PLEKHH2: variants seen among roughly 807,000 people sequenced by gnomAD.
PLEKHH2 encodes pleckstrin homology domain-containing family H member 2.
In PLEKHH2, 129 loss-of-function variants were observed where a neutral mutation model predicts 187.9. That is an observed-to-expected ratio of 0.69 (90% CI 0.59 to 0.79). The LOEUF (loss-of-function observed/expected upper bound fraction) is 0.79, where lower values mean the gene tolerates loss of function less well. PLEKHH2 is among the 30% of genes least tolerant of loss of function. The pLI is 0.00. For missense variants in PLEKHH2, 2,076 were observed against 1,751.2 expected (o/e 1.19, Z -3.31); for synonymous variants, 686 against 605.6 (o/e 1.13, Z -1.95).
chr2:43,710,226 C>G lies in PLEKHH2; in HGVS notation c.2110C>G (p.Leu704Val). The change falls in exon 13 of 30, where the codon CTG becomes GTG. Residue 704 changes from leucine (L) to valine (V), a missense_variant. Physicochemically the swap from Leu to Val is conservative, Grantham distance 32. Coordinates refer to ENST00000282406, the MANE Select transcript of PLEKHH2 (RefSeq NM_172069.4). ...SSSDNGKNEP[L>V]EKSGYLLKMS... ...TCTATCTTTTAAAAATTAGGAACCA[C>G]TGGAAAAATCTGGTTATTTATTAAA... is the stretch of plus-strand genomic sequence containing the variant. 17 of 1,613,734 alleles carry G rather than the reference C, an allele frequency of 1.1e-5. No individual in the cohort carries two copies. Among genetic ancestry groups the G allele is most frequent in the East Asian group, 4.5e-5 (2 of 44,870 alleles).
chr2:43,680,109 AT>A (rs1465932244), intron 3 of PLEKHH2, among the ~76,000 whole-genome samples: 1 of 152,204 alleles, frequency 6.6e-6, no homozygotes, highest in African/African-American at 2.4e-5. Flanking sequence ...ATAGCTTCTC[AT>A]TTCATGAAAA....
At chr2:43,713,609 A>T (rs566837442) in intron 15 of PLEKHH2, among the ~76,000 whole-genome samples, 5 of 151,678 alleles carry the variant, frequency 3.3e-5, no homozygotes, top group East Asian at 3.9e-4. Flanking sequence ...TGGGAAATAT[A>T]CCAAAGTATA....
chr2:43,654,879 T>C (rs1226987875), intron 2 of PLEKHH2, among the ~76,000 whole-genome samples: 3 of 151,742 alleles, frequency 2.0e-5, no homozygotes, highest in African/African-American at 4.8e-5. Flanking sequence ...ATACAAAAAT[T>C]AGTTGGGCAC....
Position 43,671,443 on chromosome 2 carries a change from C to T in PLEKHH2, c.124-7420C>T, listed in dbSNP as rs375173024. Reference sequence around the variant, plus strand: ...GTGAATAAATATTGCTTTATTTCTTCCTTTCCAGTATATATGCTTTTTATT... The same window carrying T: ...GTGAATAAATATTGCTTTATTTCTTTCTTTCCAGTATATATGCTTTTTATT... On this transcript the variant is annotated intron_variant, in intron 2 of 29. Coordinates refer to ENST00000282406, the MANE Select transcript of PLEKHH2 (RefSeq NM_172069.4). 2.0e-4 allele frequency among the ~76,000 whole-genome samples: 30 copies of T among 152,104 alleles called. No individual in the cohort carries two copies. The South Asian group carries it at 5.8e-3, about 29-fold the overall frequency.
At chr2:43,691,429 T>TC (rs1352862471) in intron 3 of PLEKHH2, among the ~76,000 whole-genome samples, 1 of 152,112 alleles carries the variant, frequency 6.6e-6, no homozygotes, top group Non-Finnish European at 1.5e-5. Context: ...AAGACATCAC[T>TC]CAAAAGTGGG....
chr2:43,643,637 A>G lies in PLEKHH2; in HGVS notation c.-3-1034A>G, dbSNP rs187268542. On this transcript the variant is annotated intron_variant, in intron 1 of 29. Transcript: ENST00000282406. ...AATAGTATACTTCAACTGCAGTTCC[A>G]TTCCAGGGCTCTGAGAGTTTTGCTG... Among the ~76,000 whole-genome samples the G allele has an allele frequency of 1.2e-3, 186 of 152,232 alleles. 2 individuals are homozygous for G. The highest frequency in any genetic ancestry group is 4.2e-3 in the African/African-American group (175 of 41,582).
rs1312886028 is a variant in PLEKHH2, at chr2:43,767,827, A to G, written c.*2229A>G. On this transcript the variant is annotated 3_prime_UTR_variant, in exon 30 of 30. Transcript: ENST00000282406. ...GGAAATCAATTTTCTGTAACTGATG[A>G]TGTGAAAATTTTATTTTCTGGGAAA... 1 of 152,792 alleles carries G rather than the reference A, an allele frequency of 6.5e-6. No individual in the cohort carries two copies. Among genetic ancestry groups the G allele is most frequent in the African/African-American group, 2.4e-5 (1 of 41,458 alleles). 9.5% of individuals were successfully genotyped at this position (152,792 alleles called of 1,614,324 possible).
At chr2:43,683,740 T>G (rs1352734722) in intron 3 of PLEKHH2, among the ~76,000 whole-genome samples, 4 of 152,130 alleles carry the variant, frequency 2.6e-5, no homozygotes. Context: ...GTGATATTGT[T>G]GACCTCCACC....
At position 43,714,122 on chromosome 2, in the gene PLEKHH2, G is replaced by T. The variant is rs534131817; in HGVS notation, c.2460+1739G>T. Among the ~76,000 whole-genome samples the T allele has an allele frequency of 1.7e-3, 254 of 152,268 alleles. 2 individuals carry two copies. In the South Asian group the frequency reaches 0.017, roughly 10 times the overall value. Reference sequence around the variant, plus strand: ...ATTCATAATAATGAGCTATGCTCTTGTTTCAAGGACCTCATATGCATATCA... The same window carrying T: ...ATTCATAATAATGAGCTATGCTCTTTTTTCAAGGACCTCATATGCATATCA... On this transcript the variant is annotated intron_variant, in intron 15 of 29. Transcript: ENST00000282406.
At chr2:43,758,377 C>T (rs997491752) in intron 26 of PLEKHH2, among the ~76,000 whole-genome samples, 5 of 152,092 alleles carry the variant, frequency 3.3e-5, no homozygotes, top group African/African-American at 7.2e-5. Context: ...CTCAGCCTCC[C>T]GAGTAGCTGG....
At chr2:43,758,039 A>T (rs891611995) in intron 26 of PLEKHH2, among the ~76,000 whole-genome samples, 20 of 152,210 alleles carry the variant, frequency 1.3e-4, no homozygotes, top group Admixed American at 4.6e-4. Context: ...ATATAAAGAG[A>T]AGCTGATTAG....
intron 24 of PLEKHH2, among the ~76,000 whole-genome samples, 193 bp downstream of exon 24, chr2:43,746,156 A>G (rs1255706941): frequency 6.6e-6 from 1 of 152,210 alleles, no homozygotes; most frequent in African/African-American, 2.4e-5. Flanking sequence ...CTAGTCTCTT[A>G]ATGTCATAAA....
chr2:43,757,212 G>A lies in PLEKHH2; in HGVS notation c.3889G>A (p.Glu1297Lys). 1 of 1,603,126 alleles carries A rather than the reference G, an allele frequency of 6.2e-7. No individual in the cohort carries two copies. The highest frequency in any genetic ancestry group is 8.5e-7 in the Non-Finnish European group (1 of 1,175,724). ...GAATCAAACTCTAAAGCAAGTCATA[G>A]AGAAATTTTATCCTAAAAGGTATAG... is the stretch of plus-strand genomic sequence containing the variant. ...KVNQTLKQVI[E>K]KFYPKRYRDG... The change falls in exon 26 of 30, where the codon GAG (glutamate) becomes AAG (lysine). Residue 1297 changes from glutamate (E) to lysine (K), a missense_variant. Glu to Lys is a moderately conservative substitution (Grantham distance 56). Coordinates refer to ENST00000282406, the MANE Select transcript of PLEKHH2 (RefSeq NM_172069.4).
At chr2:43,645,847 T>C (rs184814899) in intron 2 of PLEKHH2, among the ~76,000 whole-genome samples, 2 of 152,282 alleles carry the variant, frequency 1.3e-5, no homozygotes, top group East Asian at 3.9e-4. Flanking sequence ...CAGAAGAACT[T>C]ACAGGTGGTT....
At chr2:43,761,568 G>A (rs1672430873) in intron 27 of PLEKHH2, among the ~76,000 whole-genome samples, 1 of 151,730 alleles carries the variant, frequency 6.6e-6, no homozygotes. Context: ...GCACCACCAT[G>A]CCCAGCTGAT....
At chr2:43,749,004 G>A (rs1201253154) in intron 24 of PLEKHH2, among the ~76,000 whole-genome samples, 1 of 152,108 alleles carries the variant, frequency 6.6e-6, no homozygotes, top group Admixed American at 6.6e-5. Flanking sequence ...TGATCTGCCC[G>A]CCTCGGCCTC....
At chr2:43,731,169 T>C (rs1671019368) in intron 18 of PLEKHH2, among the ~76,000 whole-genome samples, 1 of 152,118 alleles carries the variant, frequency 6.6e-6, no homozygotes, top group African/African-American at 2.4e-5. Flanking sequence ...AGTTTCAGTA[T>C]ATACTGCTTG....
intron 15 of PLEKHH2, among the ~76,000 whole-genome samples, chr2:43,719,946 C>T (rs1239045190): frequency 6.6e-6 from 1 of 152,144 alleles, no homozygotes; most frequent in Non-Finnish European, 1.5e-5. Context: ...TATTGGAAAT[C>T]TGTGAAATGT....
chr2:43,717,381 G>A (rs1670263243), intron 15 of PLEKHH2, among the ~76,000 whole-genome samples: 1 of 152,110 alleles, frequency 6.6e-6, no homozygotes, highest in East Asian at 1.9e-4. Context: ...TTGTGCCACT[G>A]TGCTTCAGAC....
Sources: gnomAD v4.1 joint callset for allele counts (sites outside exome capture counted in the v4.1 genomes callset) on GRCh38, gnomAD v4.1.1 for gene constraint, MANE v1.5 for transcripts, NCBI Gene and HGNC (gene_info 2026-07-23, HGNC 2026-07-21) for gene names.